The following LPP variants were observed in gnomAD, a reference collection of about 807,000 sequenced individuals.
The protein encoded by LPP is lipoma-preferred partner.
In LPP, 38 loss-of-function variants were observed where a neutral mutation model predicts 60.4. The ratio of observed to expected loss-of-function variants is 0.63; its 90% confidence interval spans 0.49 to 0.83. The LOEUF (loss-of-function observed/expected upper bound fraction) is 0.83. Among genes scored for constraint, LPP ranks in the 40% least tolerant of loss-of-function variants. The pLI is 0.00. For missense variants in LPP, 902 were observed against 783.6 expected (o/e 1.15, Z -1.80); for synonymous variants, 328 against 290.8 (o/e 1.13, Z -1.30).
At chr3:188,846,865 T>C (rs1403217335) in intron 9 of LPP, among the ~76,000 whole-genome samples, 1 of 152,152 alleles carries the variant, frequency 6.6e-6, no homozygotes, top group East Asian at 1.9e-4. Context: ...GATCTGTTTA[T>C]AGTTTCTAGG....
intron 10 of LPP, among the ~76,000 whole-genome samples, chr3:188,867,066 A>G (rs1464209841): frequency 1.3e-5 from 2 of 152,084 alleles, no homozygotes; most frequent in African/African-American, 4.8e-5. Flanking sequence ...TGGTGCCTCA[A>G]GATCAAGGCC....
intron 3 of LPP, among the ~76,000 whole-genome samples, chr3:188,384,329 C>CGTGTGT (rs1560331554): frequency 6.8e-4 from 10 of 14,736 alleles, no homozygotes; most frequent in Middle Eastern, 0.033. Flanking sequence ...TATGTATGTG[C>CGTGTGT]ATGTGTGTGT....
chr3:188,557,077 T>C (rs968316121), intron 6 of LPP, among the ~76,000 whole-genome samples: 6 of 152,010 alleles, frequency 3.9e-5, no homozygotes, highest in Non-Finnish European at 4.4e-5. Flanking sequence ...GTAGATAGCT[T>C]TGTGAAGTCT....
intron 6 of LPP, among the ~76,000 whole-genome samples, chr3:188,531,931 C>T (rs1406101742): frequency 2.6e-5 from 4 of 152,082 alleles, no homozygotes; most frequent in Admixed American, 1.3e-4. Flanking sequence ...GCCCCACCAC[C>T]GCAGCTTGTG....
chr3:188,398,990 A>G (rs1560351407), intron 3 of LPP, among the ~76,000 whole-genome samples: 1 of 152,232 alleles, frequency 6.6e-6, no homozygotes, highest in Non-Finnish European at 1.5e-5. Context: ...CAATGAGGAG[A>G]ATCACGGGTG....
At chr3:188,227,717 T>A (rs1718342825) in intron 2 of LPP, among the ~76,000 whole-genome samples, 1 of 152,142 alleles carries the variant, frequency 6.6e-6, no homozygotes, top group African/African-American at 2.4e-5. Context: ...TTGGAATGTT[T>A]TACCTCATGG....
At chr3:188,824,837 C>G (rs1017325968) in intron 9 of LPP, among the ~76,000 whole-genome samples, 23 of 152,232 alleles carry the variant, frequency 1.5e-4, no homozygotes, top group African/African-American at 5.3e-4. Context: ...AATCTCACAG[C>G]CGCCTTCATA....
chr3:188,281,244 C>T lies in LPP; in HGVS notation c.-67+55717C>T, dbSNP rs73061515. ...CCTTTTACATATGTATGGATAAGTC[C>T]GTAAACAAATACACACTTATTAGTG... On this transcript the variant is annotated intron_variant, in intron 2 of 11. Transcript: ENST00000617246. Among the ~76,000 whole-genome samples the T allele has an allele frequency of 5.6e-3, 843 of 151,544 alleles. 10 individuals are homozygous for T. Among genetic ancestry groups the T allele is most frequent in the African/African-American group, 0.019 (792 of 41,272 alleles).
chr3:188,270,703 A>G (rs1201158824), intron 2 of LPP, among the ~76,000 whole-genome samples: 2 of 152,356 alleles, frequency 1.3e-5, no homozygotes, highest in South Asian at 2.1e-4. Flanking sequence ...GCTGGTTTCC[A>G]TCTTATGCAG....
intron 2 of LPP, among the ~76,000 whole-genome samples, chr3:188,261,272 C>T (rs1392484749): frequency 6.6e-6 from 1 of 152,118 alleles, no homozygotes; most frequent in Admixed American, 6.6e-5. Flanking sequence ...CCTCAGCCTT[C>T]TAAGTAGCTG....
chr3:188,184,451 T>C (rs1725981842), intron 1 of LPP, among the ~76,000 whole-genome samples: 1 of 152,176 alleles, frequency 6.6e-6, no homozygotes, highest in African/African-American at 2.4e-5. Flanking sequence ...CTGGGGAGCT[T>C]ACACGAAGGA....
intron 5 of LPP, among the ~76,000 whole-genome samples, chr3:188,513,213 G>A (rs1047752828): frequency 6.6e-6 from 1 of 152,168 alleles, no homozygotes; most frequent in African/African-American, 2.4e-5. Context: ...CAAACACAGA[G>A]TTCAGAAAAG....
At chr3:188,654,188 T>C (rs1852660425) in intron 7 of LPP, among the ~76,000 whole-genome samples, 1 of 152,132 alleles carries the variant, frequency 6.6e-6, no homozygotes, top group South Asian at 2.1e-4. Context: ...TTTGCACAAA[T>C]ACACAAAACA....
chr3:188,528,040 G>T (rs1389698164), intron 6 of LPP, among the ~76,000 whole-genome samples: 1 of 152,178 alleles, frequency 6.6e-6, no homozygotes, highest in African/African-American at 2.4e-5. Context: ...AAAAGTGTTT[G>T]TCAGGGAGTA....
At chr3:188,853,190 A>G (rs940864520) in intron 9 of LPP, among the ~76,000 whole-genome samples, 5 of 152,098 alleles carry the variant, frequency 3.3e-5, no homozygotes, top group Non-Finnish European at 7.4e-5. Flanking sequence ...AGGCAGCATC[A>G]CTGCTATGAC....
At chr3:188,722,459 T>C (rs16863556) in intron 8 of LPP, among the ~76,000 whole-genome samples, 4,422 of 152,274 alleles carry the variant, frequency 0.029, 186 homozygotes, top group African/African-American at 0.1. Context: ...AAGTGAGCAC[T>C]AGATTTGGAG....
chr3:188,719,886 T>C (rs2149852621), intron 8 of LPP, among the ~76,000 whole-genome samples: 1 of 151,992 alleles, frequency 6.6e-6, no homozygotes, highest in South Asian at 2.1e-4. Context: ...ATCTCTGGAG[T>C]TGTACTTGGT....
At chr3:188,640,211 CT>C (rs1158938435) in intron 7 of LPP, among the ~76,000 whole-genome samples, 3 of 151,246 alleles carry the variant, frequency 2.0e-5, no homozygotes, top group African/African-American at 7.3e-5. Flanking sequence ...AGTTCATGTC[CT>C]TTGTAGGGAC....
intron 3 of LPP, among the ~76,000 whole-genome samples, chr3:188,373,339 C>G (rs1773878021): frequency 6.6e-6 from 1 of 152,196 alleles, no homozygotes; most frequent in African/African-American, 2.4e-5. Context: ...TAAAAGTGTT[C>G]CTATTTCTCC....
Sources: allele counts gnomAD v4.1 joint callset (sites outside exome capture counted in the v4.1 genomes callset), GRCh38; gene constraint gnomAD v4.1.1; transcripts MANE v1.5; gene names NCBI Gene and HGNC (gene_info 2026-07-23, HGNC 2026-07-21).